KCNMA1: variants seen among roughly 807,000 people sequenced by gnomAD.
The protein encoded by KCNMA1 is Calcium-activated potassium channel subunit alpha-1.
A neutral mutation model predicts 140.0 loss-of-function variants in KCNMA1; 29 were observed. The observed-to-expected ratio is 0.21, with a 90% CI of 0.15 to 0.28. The LOEUF (loss-of-function observed/expected upper bound fraction) is 0.28, where lower values mean the gene tolerates loss of function less well. Ranked by LOEUF, KCNMA1 falls within the 10% of genes least tolerant of loss-of-function variation. The probability of loss-of-function intolerance (pLI) is 1.00; values close to 1 mark genes in which losing one functional copy is unlikely to be tolerated. For synonymous variants in KCNMA1, 612 were observed against 611.9 expected (o/e 1.00, Z 0.00); for missense variants, 880 against 1,602.2 (o/e 0.55, Z 7.70).
chr10:77,478,591 C>T (rs1241194861), intron 1 of KCNMA1, among the ~76,000 whole-genome samples: 1 of 152,218 alleles, frequency 6.6e-6, no homozygotes, highest in African/African-American at 2.4e-5. Context: ...CACAGTGTTA[C>T]TCCAAGCCAG....
intron 2 of KCNMA1, among the ~76,000 whole-genome samples, chr10:77,300,328 G>A (rs1040850314): frequency 6.6e-6 from 1 of 152,140 alleles, no homozygotes; most frequent in African/African-American, 2.4e-5. Flanking sequence ...GACCAGCTCT[G>A]GACTACCTGT....
chr10:77,619,374 C>T (rs2090679043), intron 1 of KCNMA1, among the ~76,000 whole-genome samples: 1 of 152,038 alleles, frequency 6.6e-6, no homozygotes, highest in Non-Finnish European at 1.5e-5. Flanking sequence ...CTTCCTCTCA[C>T]TCTCGCTCTT....
chr10:77,454,726 T>C (rs999931846), intron 1 of KCNMA1, among the ~76,000 whole-genome samples: 7 of 152,192 alleles, frequency 4.6e-5, no homozygotes, highest in Admixed American at 4.6e-4. Context: ...AATTTTTAAT[T>C]AGTGGAGCAT....
At chr10:76,916,313 C>G (rs753465752) in intron 23 of KCNMA1, among the ~76,000 whole-genome samples, 2 of 152,106 alleles carry the variant, frequency 1.3e-5, no homozygotes, top group Non-Finnish European at 2.9e-5. Flanking sequence ...GTCCCAGGTC[C>G]AAGCCAAGTA....
chr10:77,260,711 AAAACAAAC>A (rs1056934556), intron 2 of KCNMA1, among the ~76,000 whole-genome samples: 1 of 152,340 alleles, frequency 6.6e-6, no homozygotes, highest in Admixed American at 6.5e-5. Flanking sequence ...TCCATCTCAA[AAAACAAAC>A]AAACAAACAA....
intron 23 of KCNMA1, 49 bp from the exon 24 acceptor site, chr10:76,915,098 T>C (rs1300271342): frequency 7.1e-7 from 1 of 1,404,472 alleles, no homozygotes; most frequent in Non-Finnish European, 1.0e-6. Flanking sequence ...AAGTAGAAAA[T>C]TTGGAAATAA....
intron 1 of KCNMA1, among the ~76,000 whole-genome samples, chr10:77,425,072 G>T (rs996174466): frequency 6.6e-6 from 1 of 151,794 alleles, no homozygotes; most frequent in Non-Finnish European, 1.5e-5. Flanking sequence ...TGGATGGATG[G>T]GTGGATGGAT....
intron 2 of KCNMA1, among the ~76,000 whole-genome samples, chr10:77,387,119 A>G (rs2095629992): frequency 6.6e-6 from 1 of 152,172 alleles, no homozygotes; most frequent in Admixed American, 6.5e-5. Context: ...AGTGGACATA[A>G]CAAACAGGAA....
chr10:77,406,199 C>T (rs1430223684), intron 1 of KCNMA1, among the ~76,000 whole-genome samples: 1 of 152,070 alleles, frequency 6.6e-6, no homozygotes, highest in Non-Finnish European at 1.5e-5. Flanking sequence ...AGCCTCTGCC[C>T]TGTGAGACTC....
chr10:77,471,921 C>CAT lies in KCNMA1; in HGVS notation c.379-67900_379-67899dup, dbSNP rs200883692. 2.8e-4 allele frequency among the ~76,000 whole-genome samples: 42 copies of CAT among 150,820 alleles called. 1 individual carries two copies. In the South Asian group the frequency reaches 3.6e-3, roughly 13 times the overall value. On this transcript the variant is annotated intron_variant, in intron 1 of 27. Coordinates refer to ENST00000286628, the MANE Select transcript of KCNMA1 (RefSeq NM_001161352.2). ...TGGTATACACACACTATACACACAC[C>CAT]ATATATATATACACACCACATACAC... is the stretch of plus-strand genomic sequence containing the variant.
intron 23 of KCNMA1, 90 bp downstream of exon 23, chr10:76,944,683 G>A: frequency 8.1e-7 from 1 of 1,234,270 alleles, no homozygotes; most frequent in Non-Finnish European, 1.2e-6. Flanking sequence ...GCTGATGTGA[G>A]CCTCTTTGAA....
intron 2 of KCNMA1, among the ~76,000 whole-genome samples, chr10:77,378,665 CT>C (rs2095270806): frequency 6.6e-6 from 1 of 152,172 alleles, no homozygotes; most frequent in Non-Finnish European, 1.5e-5. Context: ...GAGCTCTTAG[CT>C]CCAGGTCTCA....
chr10:76,987,731 C>T (rs1292773725), intron 19 of KCNMA1, among the ~76,000 whole-genome samples: 1 of 152,150 alleles, frequency 6.6e-6, no homozygotes, highest in Non-Finnish European at 1.5e-5. Context: ...GAATAAGACG[C>T]TTCTAGAGAA....
chr10:76,937,915 G>C (rs1265539663), intron 23 of KCNMA1, among the ~76,000 whole-genome samples: 1 of 150,260 alleles, frequency 6.7e-6, no homozygotes. Flanking sequence ...GTGTGCGTAT[G>C]TGTGTGTGTG....
rs1019914372 is a variant in KCNMA1, at chr10:77,256,901, C to T, written c.541-5645G>A. The stretch of plus-strand genomic sequence containing the variant: ...GGAAGATTGCTTGAGCTCAGGAGTT[C>T]GAGACCAGCCTGGGCAACATAGAGA... On this transcript the variant is annotated intron_variant, in intron 2 of 27. Transcript: ENST00000286628. Among the ~76,000 whole-genome samples, 27 of 152,010 alleles carry T rather than the reference C, an allele frequency of 1.8e-4. 1 individual carries two copies. Among genetic ancestry groups the T allele is most frequent in the Admixed American group, 1.8e-3 (27 of 15,242 alleles).
intron 2 of KCNMA1, among the ~76,000 whole-genome samples, chr10:77,260,928 A>G (rs930841148): frequency 2.6e-5 from 4 of 152,192 alleles, no homozygotes; most frequent in Non-Finnish European, 4.4e-5. Flanking sequence ...GGCATAAAAT[A>G]ATGGAAATGC....
chr10:77,348,786 A>G (rs1432646469), intron 2 of KCNMA1, among the ~76,000 whole-genome samples: 1 of 152,206 alleles, frequency 6.6e-6, no homozygotes, highest in Non-Finnish European at 1.5e-5. Flanking sequence ...GACTCCTAGA[A>G]ATTGACACAA....
chr10:77,481,151 A>G (rs2098388675), intron 1 of KCNMA1, among the ~76,000 whole-genome samples: 1 of 151,692 alleles, frequency 6.6e-6, no homozygotes, highest in African/African-American at 2.4e-5. Flanking sequence ...GTGTATGCAC[A>G]TACACACGCG....
chr10:77,404,235 T>C (rs1030018500), intron 1 of KCNMA1, among the ~76,000 whole-genome samples: 2 of 152,188 alleles, frequency 1.3e-5, no homozygotes, highest in African/African-American at 4.8e-5. Flanking sequence ...CCTCTTAAAA[T>C]ATCTTAGTGA....
Sources: allele counts gnomAD v4.1 joint callset (sites outside exome capture counted in the v4.1 genomes callset), GRCh38; gene constraint gnomAD v4.1.1; transcripts MANE v1.5; gene names NCBI Gene and HGNC (gene_info 2026-07-23, HGNC 2026-07-21).